Variants in TRPM6 observed in about 807,000 individuals in gnomAD.
TRPM6 encodes the protein channel kinase 2.
Under a neutral mutation model 247.6 loss-of-function variants are expected in TRPM6, and 111 were observed. That is an observed-to-expected ratio of 0.45 (90% CI 0.38 to 0.52). The LOEUF (loss-of-function observed/expected upper bound fraction) is 0.52. TRPM6 is among the 20% of genes least tolerant of loss of function. The pLI, the probability that TRPM6 is intolerant of heterozygous loss-of-function variation, is 0.00. For synonymous variants in TRPM6, 892 were observed against 853.8 expected, an observed-to-expected ratio of 1.04 and a Z score of -0.78; for missense variants, 2,126 against 2,421.5, an observed-to-expected ratio of 0.88 and a Z score of 2.56.
chr9:74,887,626 A>C (rs1831580146), intron 1 of TRPM6, 198 bp downstream of exon 1: 1 of 1,552,058 alleles, frequency 6.4e-7, no homozygotes, highest in Non-Finnish European at 8.7e-7. Flanking sequence ...AGTAGCGTAC[A>C]CTACCTTAGA....
chr9:74,864,589 C>T (rs1273495622), intron 1 of TRPM6, among the ~76,000 whole-genome samples: 2 of 152,230 alleles, frequency 1.3e-5, no homozygotes, highest in Non-Finnish European at 2.9e-5. Flanking sequence ...AGTAACCTTA[C>T]ACCTTCATCT....
At chr9:74,738,695 G>T in intron 35 of TRPM6, 83 bp from the exon 36 acceptor site, 1 of 1,193,214 alleles carries the variant, frequency 8.4e-7, no homozygotes, top group Non-Finnish European at 1.2e-6. Flanking sequence ...CAGCAGGGAA[G>T]ATTACCTAAC....
chr9:74,812,623 C>T (rs763201825), intron 11 of TRPM6, among the ~76,000 whole-genome samples, 190 bp from the exon 12 acceptor site: 8 of 151,200 alleles, frequency 5.3e-5, no homozygotes, highest in South Asian at 2.1e-4. Flanking sequence ...GGCTCAGTGG[C>T]GCACACCTGT....
intron 38 of TRPM6, among the ~76,000 whole-genome samples, chr9:74,725,549 T>C (rs1825289079): frequency 6.6e-6 from 1 of 152,252 alleles, no homozygotes; most frequent in Non-Finnish European, 1.5e-5. Context: ...GGGAATCCAG[T>C]GGGAGGTGAC....
At chr9:74,825,055 T>A (rs563506392) in intron 7 of TRPM6, among the ~76,000 whole-genome samples, 70 of 152,136 alleles carry the variant, frequency 4.6e-4, no homozygotes, top group African/African-American at 1.5e-3. Context: ...AGGTCAGGAG[T>A]TCGAGACCAG....
At chr9:74,755,509 T>C (rs896802351) in intron 27 of TRPM6, 36 bp from the exon 28 acceptor site, 1 of 1,613,132 alleles carries the variant, frequency 6.2e-7, no homozygotes, top group Non-Finnish European at 8.5e-7. Flanking sequence ...CACAGTGACA[T>C]TAATTCAAAA....
At chr9:74,772,653 C>T (rs1827087882) in intron 24 of TRPM6, among the ~76,000 whole-genome samples, 1 of 151,814 alleles carries the variant, frequency 6.6e-6, no homozygotes, top group South Asian at 2.1e-4. Context: ...AAGATAGAAA[C>T]ATTTGAATTA....
chr9:74,763,169 C>T, intron 25 of TRPM6, 35 bp from the exon 26 acceptor site: 1 of 1,595,668 alleles, frequency 6.3e-7, no homozygotes, highest in Non-Finnish European at 8.5e-7. Flanking sequence ...CCAACAAGCA[C>T]ATTAAGCCAG....
At chr9:74,757,361 A>G (rs982885622) in intron 27 of TRPM6, among the ~76,000 whole-genome samples, 1 of 149,372 alleles carries the variant, frequency 6.7e-6, no homozygotes, top group Admixed American at 6.7e-5. Context: ...AGGCGGATCA[A>G]TTGAGGCCAG....
chr9:74,844,596 G>A (rs939715925), intron 3 of TRPM6, among the ~76,000 whole-genome samples: 1 of 152,174 alleles, frequency 6.6e-6, no homozygotes, highest in Admixed American at 6.5e-5. Context: ...CCTTATTCTG[G>A]ATTAGTCTTT....
rs777080833 is a variant in TRPM6, at chr9:74,782,818, G to C, written c.2955C>G (p.Ala985=). 1.2e-6 allele frequency: 2 copies of C among 1,614,132 alleles called. No individual in the cohort carries two copies. The highest frequency in any genetic ancestry group is 8.5e-7 in the Non-Finnish European group (1 of 1,180,028). ...ANMFYIVIIM[A]IVLLSFGVAR... The stretch of plus-strand genomic sequence containing the variant: ...CCACTCCAAAGCTCAGCAGGACTAT[G>C]GCCATGATGATCACAATATAGAACA... The change falls in exon 22 of 39, where the codon GCC becomes GCG. Residue 985 remains alanine, a synonymous_variant. Transcript: ENST00000360774.
intron 17 of TRPM6, among the ~76,000 whole-genome samples, chr9:74,799,693 C>T (rs1368960786): frequency 2.6e-5 from 4 of 151,928 alleles, no homozygotes; most frequent in Admixed American, 6.6e-5. Context: ...TTATTGGAGG[C>T]AATAGCAACT....
chr9:74,851,782 T>C (rs1322914453), intron 3 of TRPM6, among the ~76,000 whole-genome samples: 1 of 146,174 alleles, frequency 6.8e-6, no homozygotes, highest in African/African-American at 2.5e-5. Flanking sequence ...ATATAATACA[T>C]ATATATATAA....
chr9:74,739,295 A>G, intron 35 of TRPM6, 72 bp downstream of exon 35: 2 of 1,325,188 alleles, frequency 1.5e-6, no homozygotes, highest in Non-Finnish European at 2.2e-6. Context: ...ATTTCTCATG[A>G]GTAATGGGCT....
Position 74,887,748 on chromosome 9 carries a change from A to G in TRPM6, c.33+76T>C, listed in dbSNP as rs564005100. 46 of 1,613,704 alleles carry G rather than the reference A, an allele frequency of 2.9e-5. No individual in the cohort carries two copies. In the South Asian group the frequency reaches 4.4e-4, roughly 15 times the overall value. On this transcript the variant is annotated intron_variant, in intron 1 of 38. Transcript: ENST00000360774. ...AGTGTCCCTGGCCCCACCCACTTCT[A>G]TCTAAGGCCGGGGGCGCAGATCTAG... is the stretch of plus-strand genomic sequence containing the variant.
chr9:74,782,284 C>G, intron 23 of TRPM6, 78 bp downstream of exon 23: 1 of 1,082,098 alleles, frequency 9.2e-7, no homozygotes, highest in South Asian at 1.4e-5. Context: ...GTTACATACT[C>G]AAAGTACATG....
At chr9:74,744,604 T>C (rs1825973064) in intron 31 of TRPM6, among the ~76,000 whole-genome samples, 1 of 152,196 alleles carries the variant, frequency 6.6e-6, no homozygotes, top group Admixed American at 6.6e-5. Flanking sequence ...CATTAAAAGC[T>C]ATATACTGGA....
At chr9:74,849,348 T>C (rs1222689043) in intron 3 of TRPM6, among the ~76,000 whole-genome samples, 45 of 105,476 alleles carry the variant, frequency 4.3e-4, no homozygotes, top group Middle Eastern at 5.6e-3. Context: ...TGAAACTTCA[T>C]CTCAAAAAAA....
intron 3 of TRPM6, among the ~76,000 whole-genome samples, chr9:74,846,029 T>C (rs1050081224): frequency 2.6e-5 from 4 of 151,860 alleles, no homozygotes; most frequent in African/African-American, 9.7e-5. Flanking sequence ...GGAAATCAAT[T>C]TGACATCAAG....
Sources: gnomAD v4.1 joint callset for allele counts (sites outside exome capture counted in the v4.1 genomes callset) on GRCh38, gnomAD v4.1.1 for gene constraint, MANE v1.5 for transcripts, NCBI Gene and HGNC (gene_info 2026-07-23, HGNC 2026-07-21) for gene names.